Variants in PAICS observed in about 807,000 individuals in gnomAD.
PAICS encodes bifunctional phosphoribosylaminoimidazole carboxylase/phosphoribosylaminoimidazole succinocarboxamide synthetase.
Under a neutral mutation model 53.7 loss-of-function variants are expected in PAICS, and 33 were observed. That is an observed-to-expected ratio of 0.61 (90% CI 0.47 to 0.82). The LOEUF (loss-of-function observed/expected upper bound fraction) is 0.82. Ranked by LOEUF, PAICS falls within the 40% of genes least tolerant of loss-of-function variation. The pLI, the probability that PAICS is intolerant of heterozygous loss-of-function variation, is 0.00. For missense variants in PAICS, 394 were observed against 494.1 expected, an observed-to-expected ratio of 0.80 and a Z score of 1.92; for synonymous variants, 141 against 167.2, an observed-to-expected ratio of 0.84 and a Z score of 1.21.
intron 5 of PAICS, among the ~76,000 whole-genome samples, chr4:56,449,849 ACCTGTAATC>A (rs1718811547): frequency 6.6e-6 from 1 of 150,556 alleles, no homozygotes; most frequent in Non-Finnish European, 1.5e-5. Context: ...GGTGGTGGGC[ACCTGTAATC>A]CCAGCTTCTC....
intron 1 of PAICS, among the ~76,000 whole-genome samples, chr4:56,439,259 C>T (rs560015720): frequency 2.6e-5 from 4 of 152,132 alleles, no homozygotes; most frequent in South Asian, 2.1e-4. Context: ...TTTCTTGAGA[C>T]GGAGTCTCCC....
intron 2 of PAICS, among the ~76,000 whole-genome samples, chr4:56,445,377 C>G (rs778184543): frequency 4.6e-5 from 7 of 152,104 alleles, no homozygotes; most frequent in Non-Finnish European, 8.8e-5. Flanking sequence ...GTGGGCAGAT[C>G]ACGAGATCAG....
chr4:56,437,217 G>A (rs1227281361), intron 1 of PAICS, among the ~76,000 whole-genome samples: 1 of 148,834 alleles, frequency 6.7e-6, no homozygotes, highest in African/African-American at 2.5e-5. Context: ...TGATGGCTGG[G>A]GAGGGGGGCT....
chr4:56,436,243 G>A (rs1717939995), upstream of PAICS: 3 of 1,555,678 alleles, frequency 1.9e-6, no homozygotes, highest in East Asian at 2.4e-5. Flanking sequence ...GAAGCTCTCT[G>A]ACCACCCCTC....
At chr4:56,435,281 C>T, upstream of PAICS, 2 of 1,599,036 alleles carry the variant, frequency 1.3e-6, no homozygotes, top group Non-Finnish European at 1.7e-6. Context: ...CTCATGAGAA[C>T]GCCGACTGCG....
intron 1 of PAICS, among the ~76,000 whole-genome samples, chr4:56,441,313 T>G (rs1230351385): frequency 6.6e-6 from 1 of 152,216 alleles, no homozygotes; most frequent in Non-Finnish European, 1.5e-5. Context: ...AGTTCAGTTC[T>G]GCTATGAGAG....
the PAICS span, among the ~76,000 whole-genome samples, chr4:56,417,292 A>T: frequency 6.6e-6 from 1 of 152,208 alleles, no homozygotes; most frequent in South Asian, 2.1e-4. Flanking sequence ...AACCTAAATA[A>T]GAAAAAAAAT....
chr4:56,425,250 C>T, the PAICS span: 1 of 153,734 alleles, frequency 6.5e-6, no homozygotes, highest in Non-Finnish European at 1.4e-5. Context: ...AATATTTAAA[C>T]ACTTTTGTAT....
Position 56,462,864 on chromosome 4 carries a change from GT to G in PAICS, c.*3327del, listed in dbSNP as rs1719563048. 6.6e-6 allele frequency: 1 copy of G among 152,178 alleles called. No homozygotes were observed. Among genetic ancestry groups the G allele is most frequent in the Non-Finnish European group, 1.5e-5 (1 of 68,072 alleles). 9.4% of individuals were successfully genotyped at this position (152,178 alleles called of 1,614,324 possible). A position where few individuals can be genotyped will look rare whatever the true frequency, so the allele number is the denominator to read the frequency against. ...AAAAATACAAAACTAGCCGGGCATG[GT>G]GGCACATTCCTGTAATCCCAGCGAC... On this transcript the variant is annotated 3_prime_UTR_variant, in exon 9 of 9. Transcript: ENST00000512576.
At chr4:56,434,444 GGTTT>G (rs1717786327), upstream of PAICS, among the ~76,000 whole-genome samples, 1 of 152,094 alleles carries the variant, frequency 6.6e-6, no homozygotes, top group African/African-American at 2.4e-5. Flanking sequence ...ATCAAACCCA[GGTTT>G]GTTTTTCTTA....
At chr4:56,449,231 A>T (rs1718775474) in intron 5 of PAICS, among the ~76,000 whole-genome samples, 1 of 152,198 alleles carries the variant, frequency 6.6e-6, no homozygotes, top group African/African-American at 2.4e-5. Flanking sequence ...CACTTCTCAA[A>T]AGAAGACATT....
At position 56,450,650 on chromosome 4, in the gene PAICS, A is replaced by C; in HGVS notation, c.719A>C (p.Glu240Ala). ...SYRDLKEVTP[E>A]GLQMVKKNFE... is the part of the protein sequence containing the mutation. ...CGGGACCTCAAAGAAGTAACTCCTG[A>C]AGGGCTCCAAATGGTAAAGAAAAAC... is the stretch of plus-strand genomic sequence containing the variant. Residue 240 changes from glutamate to alanine, a missense_variant, in exon 6 of 9, where the codon GAA becomes GCA. Transcript: ENST00000512576. The C allele has an allele frequency of 1.3e-6, 2 of 1,546,490 alleles. No individual in the cohort carries two copies. The highest frequency in any genetic ancestry group is 1.8e-6 in the Non-Finnish European group (2 of 1,138,334).
At chr4:56,433,761 C>G (rs1268279113), upstream of PAICS, among the ~76,000 whole-genome samples, 4 of 151,022 alleles carry the variant, frequency 2.6e-5, no homozygotes, top group Admixed American at 6.6e-5. Context: ...GTGGCGTGAT[C>G]TCTGCTCTCT....
the PAICS span, among the ~76,000 whole-genome samples, chr4:56,428,328 T>C: frequency 6.6e-6 from 1 of 152,008 alleles, no homozygotes; most frequent in Non-Finnish European, 1.5e-5. Flanking sequence ...GGTGTGACAG[T>C]GAGGTCAGAG....
rs1719578241 is a variant in PAICS at position 56,463,349 on chromosome 4, C to T, written c.*3811C>T. ...CTGTACATGAGGCTGGGCGCGGTGG[C>T]TCACGTCTTATTTCTTCTGCTTGCC... is the stretch of plus-strand genomic sequence containing the variant. On this transcript the variant is annotated 3_prime_UTR_variant, in exon 9 of 9. Coordinates refer to ENST00000512576, the MANE Select transcript of PAICS (RefSeq NM_001079524.2). 1 of 151,088 alleles carries T rather than the reference C, an allele frequency of 6.6e-6. No individual in the cohort carries two copies. The highest frequency in any genetic ancestry group is 1.5e-5 in the Non-Finnish European group (1 of 67,964). The allele number at this position is 151,088 out of a possible 1,614,324, so 9.4% of individuals were successfully genotyped here. A position where few individuals can be genotyped will look rare whatever the true frequency, so the allele number is the denominator to read the frequency against.
chr4:56,456,024 A>G (rs1440559430), intron 8 of PAICS, among the ~76,000 whole-genome samples: 1 of 151,968 alleles, frequency 6.6e-6, no homozygotes, highest in African/African-American at 2.4e-5. Context: ...TTTCTATTCT[A>G]CTTGTTTGTC....
At chr4:56,436,589 T>C (rs1306197071) in intron 1 of PAICS, 2 of 693,654 alleles carry the variant, frequency 2.9e-6, no homozygotes, top group Non-Finnish European at 5.3e-6. Context: ...TTATAATCAA[T>C]AGCTATTGCA....
intron 1 of PAICS, among the ~76,000 whole-genome samples, chr4:56,437,256 G>GGTGTGTGT (rs57161391): frequency 0.035 from 4,356 of 124,320 alleles, 117 homozygotes; most frequent in Admixed American, 0.05. Flanking sequence ...ATGCCATGAT[G>GGTGTGTGT]GTGTGTGTGT....
upstream of PAICS, chr4:56,431,593 T>C (rs1321773997): frequency 2.7e-5 from 22 of 815,724 alleles, no homozygotes; most frequent in Non-Finnish European, 3.3e-5. Context: ...TTTGTCATTG[T>C]AAGGTTCAAT....
Sources: allele counts gnomAD v4.1 joint callset (sites outside exome capture counted in the v4.1 genomes callset), GRCh38; gene constraint gnomAD v4.1.1; transcripts MANE v1.5; gene names NCBI Gene and HGNC (gene_info 2026-07-23, HGNC 2026-07-21).